GPR158: variants seen among roughly 807,000 people sequenced by gnomAD.
GPR158 encodes metabotropic glycine receptor.
In GPR158, 30 loss-of-function variants were observed where a neutral mutation model predicts 78.2. That is an observed-to-expected ratio of 0.38 (90% CI 0.29 to 0.52). The LOEUF is 0.52. GPR158 is among the 20% of genes least tolerant of loss of function. The probability of loss-of-function intolerance (pLI) is 0.83; values close to 1 mark genes in which losing one functional copy is unlikely to be tolerated. For missense variants in GPR158, 1,463 were observed against 1,523.5 expected (o/e 0.96, Z 0.66); for synonymous variants, 581 against 591.1 (o/e 0.98, Z 0.25).
At chr10:25,194,457 T>G (rs1378464890) in intron 1 of GPR158, among the ~76,000 whole-genome samples, 2 of 152,112 alleles carry the variant, frequency 1.3e-5, no homozygotes, top group African/African-American at 4.8e-5. Flanking sequence ...GACGATTGCT[T>G]CAGCCCAGGA....
intron 5 of GPR158, among the ~76,000 whole-genome samples, chr10:25,516,363 T>C (rs1836173590): frequency 6.6e-6 from 1 of 151,824 alleles, no homozygotes; most frequent in Non-Finnish European, 1.5e-5. Context: ...GTGCAGAAGC[T>C]CTTTAGTTTA....
chr10:25,435,351 T>C (rs1834984571), intron 4 of GPR158, among the ~76,000 whole-genome samples: 1 of 152,178 alleles, frequency 6.6e-6, no homozygotes, highest in South Asian at 2.1e-4. Flanking sequence ...AGAATCTATT[T>C]AAATGAGGTT....
At chr10:25,397,499 T>C (rs1834378538) in intron 3 of GPR158, among the ~76,000 whole-genome samples, 1 of 152,200 alleles carries the variant, frequency 6.6e-6, no homozygotes, top group Non-Finnish European at 1.5e-5. Flanking sequence ...TGAGGCATAG[T>C]TCAAAGGGTT....
chr10:25,513,883 T>C (rs1367495234), intron 5 of GPR158, among the ~76,000 whole-genome samples: 2 of 152,076 alleles, frequency 1.3e-5, no homozygotes, highest in Non-Finnish European at 2.9e-5. Context: ...TCAGAGAGAG[T>C]ACTTGATATA....
chr10:25,432,008 TAAAATAAAAAA>T (rs1371767521), intron 4 of GPR158, among the ~76,000 whole-genome samples: 3 of 74,278 alleles, frequency 4.0e-5, no homozygotes, highest in Admixed American at 1.1e-4. Flanking sequence ...ATAATAATAA[TAAAATAAAAAA>T]AAATGCAAAG....
intron 2 of GPR158, among the ~76,000 whole-genome samples, chr10:25,328,927 C>CAAAA (rs3054026): frequency 0.041 from 3,622 of 88,244 alleles, 356 homozygotes; most frequent in African/African-American, 0.17. Flanking sequence ...AACTTCATCA[C>CAAAA]AAAAAAAAAA....
intron 5 of GPR158, among the ~76,000 whole-genome samples, chr10:25,541,186 T>C (rs1253044166): frequency 6.6e-6 from 1 of 151,862 alleles, no homozygotes; most frequent in Non-Finnish European, 1.5e-5. Flanking sequence ...TAATATCTTA[T>C]TATAATAAAT....
At chr10:25,235,308 T>G (rs1013389105) in intron 2 of GPR158, among the ~76,000 whole-genome samples, 1 of 152,198 alleles carries the variant, frequency 6.6e-6, no homozygotes, top group African/African-American at 2.4e-5. Flanking sequence ...TATTTTCTTC[T>G]CTTATTCTTA....
intron 5 of GPR158, among the ~76,000 whole-genome samples, chr10:25,479,646 C>T (rs560512457): frequency 1.1e-4 from 17 of 152,124 alleles, no homozygotes; most frequent in Admixed American, 9.8e-4. Context: ...AACACCTGAC[C>T]TCAATTGATC....
chr10:25,547,553 A>G (rs766387253), intron 5 of GPR158, among the ~76,000 whole-genome samples: 97 of 152,256 alleles, frequency 6.4e-4, no homozygotes, highest in East Asian at 7.7e-4. Flanking sequence ...CTTCCAGGAT[A>G]ATTTCACTTG....
At position 25,320,934 on chromosome 10, in the gene GPR158, G is replaced by C. The variant is rs76381175; in HGVS notation, c.1009-74977G>C. ...TAACTCAGGAGAAAATCATGAATTT[G>C]CATGTGTAATTTATGCAATGGCATT... On this transcript the variant is annotated intron_variant, in intron 2 of 10. Coordinates refer to ENST00000376351, the MANE Select transcript of GPR158 (RefSeq NM_020752.3). Among the ~76,000 whole-genome samples, 357 of 152,238 alleles carry C rather than the reference G, an allele frequency of 2.3e-3. No individual in the cohort carries two copies. In the Middle Eastern group the frequency reaches 0.024, roughly 10 times the overall value.
intron 1 of GPR158, among the ~76,000 whole-genome samples, chr10:25,185,651 G>T (rs989152676): frequency 6.6e-6 from 1 of 152,058 alleles, no homozygotes; most frequent in African/African-American, 2.4e-5. Context: ...GTGAAACCCC[G>T]TCTGTACTAA....
intron 5 of GPR158, among the ~76,000 whole-genome samples, chr10:25,516,904 G>C (rs1260844784): frequency 7.0e-5 from 10 of 142,740 alleles, no homozygotes; most frequent in South Asian, 4.4e-4. Context: ...CCAATTCTGT[G>C]AAGAAAGTCA....
chr10:25,461,839 C>T (rs1835361987), intron 4 of GPR158, among the ~76,000 whole-genome samples: 1 of 150,284 alleles, frequency 6.7e-6, no homozygotes, highest in Non-Finnish European at 1.5e-5. Context: ...TCACGCCATT[C>T]TCCTGCCTCA....
chr10:25,450,280 G>A (rs1018621875), intron 4 of GPR158, among the ~76,000 whole-genome samples: 1 of 151,828 alleles, frequency 6.6e-6, no homozygotes, highest in Non-Finnish European at 1.5e-5. Context: ...GAGCCATGGG[G>A]GACCCAAGGC....
At chr10:25,467,145 T>TGG (rs1835436473) in intron 5 of GPR158, among the ~76,000 whole-genome samples, 1 of 152,120 alleles carries the variant, frequency 6.6e-6, no homozygotes, top group Non-Finnish European at 1.5e-5. Context: ...ATTTGAAGTG[T>TGG]GGGGGACTTC....
intron 7 of GPR158, among the ~76,000 whole-genome samples, chr10:25,584,947 A>AAAAACAAACAAAAC (rs1209503013): frequency 2.2e-4 from 33 of 152,306 alleles, no homozygotes; most frequent in African/African-American, 7.9e-4. Context: ...GCAAAATTTA[A>AAAAACAAACAAAAC]AAAACAAACA....
chr10:25,554,935 C>G (rs1474595986), intron 6 of GPR158, among the ~76,000 whole-genome samples: 2 of 152,008 alleles, frequency 1.3e-5, no homozygotes, highest in African/African-American at 4.8e-5. Flanking sequence ...GCAGACCACT[C>G]ACATAGCCCC....
At chr10:25,307,446 C>A (rs919393251) in intron 2 of GPR158, among the ~76,000 whole-genome samples, 1 of 148,000 alleles carries the variant, frequency 6.8e-6, no homozygotes, top group African/African-American at 2.5e-5. Flanking sequence ...TGCAGTGGGA[C>A]CATCATAGCT....
Sources: gnomAD v4.1 joint callset for allele counts (sites outside exome capture counted in the v4.1 genomes callset) on GRCh38, gnomAD v4.1.1 for gene constraint, MANE v1.5 for transcripts, NCBI Gene and HGNC (gene_info 2026-07-23, HGNC 2026-07-21) for gene names.